KCNA6: variants seen among roughly 807,000 people sequenced by gnomAD.
The protein encoded by KCNA6 is potassium voltage-gated channel subfamily A member 6.
In KCNA6, 17 loss-of-function variants were observed where a neutral mutation model predicts 29.5. The observed-to-expected ratio is 0.58, with a 90% confidence interval of 0.39 to 0.86. KCNA6 has a LOEUF of 0.86. Among genes scored for constraint, KCNA6 ranks in the 40% least tolerant of loss-of-function variants. The pLI, the probability that KCNA6 is intolerant of heterozygous loss-of-function variation, is 0.00. For synonymous variants in KCNA6, 296 were observed against 304.7 expected, an observed-to-expected ratio of 0.97 and a Z score of 0.30; for missense variants, 450 against 703.4, an observed-to-expected ratio of 0.64 and a Z score of 4.07.
the KCNA6 span, among the ~76,000 whole-genome samples, chr12:4,849,967 T>G: frequency 0.57 from 86,568 of 152,052 alleles, 25,005 homozygotes; most frequent in Admixed American, 0.64. Flanking sequence ...TTGTGTCAGG[T>G]ATGACAAGTG....
At chr12:4,821,272 G>C in the KCNA6 span, among the ~76,000 whole-genome samples, 1 of 152,142 alleles carries the variant, frequency 6.6e-6, no homozygotes, top group Non-Finnish European at 1.5e-5. Context: ...AAAGAGGTCC[G>C]GTATGGTGGG....
the KCNA6 span, among the ~76,000 whole-genome samples, chr12:4,825,727 C>T: frequency 6.6e-6 from 1 of 152,172 alleles, no homozygotes; most frequent in Non-Finnish European, 1.5e-5. Flanking sequence ...TATAAGTCTT[C>T]TTAAATAGAA....
rs539459271 is a variant in KCNA6 at position 4,811,826 on chromosome 12, A to T, written c.*195A>T. The T allele has an allele frequency of 1.6e-6, 1 of 626,660 alleles. No individual in the cohort carries two copies. Among genetic ancestry groups the T allele is most frequent in the African/African-American group, 1.8e-5 (1 of 54,318 alleles). 38.8% of individuals were successfully genotyped at this position (626,660 alleles called of 1,614,324 possible). A position where few individuals can be genotyped will look rare whatever the true frequency, so the allele number is the denominator to read the frequency against. ...TCCCTGCAGCATTCAAGGTTAATCC[A>T]TCTAAGTGACATTTTTGAAATTCCA... On this transcript the variant is annotated 3_prime_UTR_variant, in exon 1 of 1. Coordinates refer to ENST00000280684, the Ensembl canonical transcript of KCNA6. The surrounding 1 kb of genome is among the most constrained non-coding windows in gnomAD (Gnocchi z 7.1).
the KCNA6 span, among the ~76,000 whole-genome samples, chr12:4,819,808 T>C: frequency 6.6e-6 from 1 of 152,230 alleles, no homozygotes; most frequent in Non-Finnish European, 1.5e-5. Context: ...CACTGTTTAT[T>C]AGCTGTACCT....
At chr12:4,834,375 C>T in the KCNA6 span, among the ~76,000 whole-genome samples, 1 of 152,084 alleles carries the variant, frequency 6.6e-6, no homozygotes, top group African/African-American at 2.4e-5. Context: ...GTGTCTTGTA[C>T]CCACTTATTT....
the KCNA6 span, among the ~76,000 whole-genome samples, chr12:4,824,666 G>T: frequency 6.6e-6 from 1 of 152,200 alleles, no homozygotes; most frequent in South Asian, 2.1e-4. Context: ...TCATGACTCA[G>T]CTATTCACTT....
In KCNA6 at chr12:4,810,389, T is replaced by G. The variant is rs751488202; in HGVS notation, c.348T>G (p.Ile116Met). The change falls in exon 1 of 1, where the codon ATT becomes ATG. Residue 116 changes from isoleucine to methionine, a missense_variant. Around this residue, in one of 7 missense-constraint regions of KCNA6, gnomAD observed 133 missense variants for 217.5 expected, o/e 0.61. Transcript: ENST00000280684. The surrounding 1 kb of genome is among the most constrained non-coding windows in gnomAD (Gnocchi z 7.5). Reference sequence around the variant, plus strand: ...GGCCGGTCAACGTGCCCCTGGACATTTTCCTGGAGGAGATCCGCTTCTACC... The same window carrying G: ...GGCCGGTCAACGTGCCCCTGGACATGTTCCTGGAGGAGATCCGCTTCTACC... 6 of 1,614,130 alleles carry G rather than the reference T, an allele frequency of 3.7e-6. No individual in the cohort carries two copies. Among genetic ancestry groups the G allele is most frequent in the South Asian group, 3.3e-5 (3 of 91,084 alleles).
At chr12:4,812,003 T>G in exon 1 of KCNA6, 1 of 217,426 alleles carries the variant, frequency 4.6e-6, no homozygotes. Context: ...CCTATCTGAG[T>G]CTTCGCTCCC....
chr12:4,848,536 T>A, the KCNA6 span, among the ~76,000 whole-genome samples: 83,837 of 150,230 alleles, frequency 0.56, 23,929 homozygotes, highest in Middle Eastern at 0.59. Context: ...AATCCAACTT[T>A]AAAAAAATGT....
chr12:4,817,070 G>T (rs1946689225), downstream of KCNA6, among the ~76,000 whole-genome samples: 1 of 152,238 alleles, frequency 6.6e-6, no homozygotes, highest in African/African-American at 2.4e-5. Flanking sequence ...AGGACAATCT[G>T]GCTGGAGCTG....
chr12:4,848,526 A>AAAC, the KCNA6 span, among the ~76,000 whole-genome samples: 13 of 151,244 alleles, frequency 8.6e-5, no homozygotes, highest in African/African-American at 2.9e-4. Context: ...AAAAAAAAAA[A>AAAC]ATCCAACTTT....
chr12:4,837,966 G>A, the KCNA6 span, among the ~76,000 whole-genome samples: 52 of 151,962 alleles, frequency 3.4e-4, no homozygotes, highest in African/African-American at 1.2e-3. Context: ...GTGCTGCTGC[G>A]CTAGACTGCA....
At chr12:4,817,811 C>T (rs553619396), downstream of KCNA6, among the ~76,000 whole-genome samples, 58 of 152,298 alleles carry the variant, frequency 3.8e-4, no homozygotes, top group Middle Eastern at 0.01. Flanking sequence ...CCTCACTCCT[C>T]GGTCACGAGC....
chr12:4,849,079 A>C, the KCNA6 span, among the ~76,000 whole-genome samples: 1 of 152,014 alleles, frequency 6.6e-6, no homozygotes, highest in Non-Finnish European at 1.5e-5. Flanking sequence ...CAAGATCGCC[A>C]TTGCACCCAG....
At chr12:4,836,105 A>ATTT in the KCNA6 span, among the ~76,000 whole-genome samples, 1,523 of 137,276 alleles carry the variant, frequency 0.011, 28 homozygotes, top group African/African-American at 0.032. Flanking sequence ...ATGCCTGGCT[A>ATTT]TTTTTTTTTT....
chr12:4,829,244 G>A, the KCNA6 span, among the ~76,000 whole-genome samples: 1 of 152,056 alleles, frequency 6.6e-6, no homozygotes, highest in Non-Finnish European at 1.5e-5. Context: ...GGAATAGGAT[G>A]GGATTTGGCT....
chr12:4,815,071 C>T (rs1393082732), downstream of KCNA6, among the ~76,000 whole-genome samples: 2 of 152,044 alleles, frequency 1.3e-5, no homozygotes, highest in African/African-American at 4.8e-5. Flanking sequence ...TTCTTACTGT[C>T]TCTGCCTTTT....
the KCNA6 span, among the ~76,000 whole-genome samples, chr12:4,835,134 ATTTT>A: frequency 0.15 from 19,897 of 136,288 alleles, 1,377 homozygotes; most frequent in South Asian, 0.18. Context: ...ACAGAGAATG[ATTTT>A]TTTTTTTTTT....
At chr12:4,813,765 G>A (rs1056327317), downstream of KCNA6, 1 of 167,166 alleles carries the variant, frequency 6.0e-6, no homozygotes, top group African/African-American at 2.4e-5. Flanking sequence ...GAAGAGAAAA[G>A]CCCATTCCAG....
Sources: gnomAD v4.1 joint callset for allele counts (sites outside exome capture counted in the v4.1 genomes callset) on GRCh38, gnomAD v4.1.1 for gene constraint, gnomAD v4.1.1 regional missense constraint, Gnocchi (gnomAD v3.1) non-coding constraint, MANE v1.5 for transcripts, NCBI Gene and HGNC (gene_info 2026-07-23, HGNC 2026-07-21) for gene names.